Variants in DNAH8 observed in about 807,000 individuals in gnomAD.
DNAH8 encodes the protein axonemal beta dynein heavy chain 8.
DNAH8 carries 382 observed loss-of-function variants against 562.1 expected under a neutral mutation model. The ratio of observed to expected loss-of-function variants is 0.68; its 90% CI spans 0.63 to 0.74. The LOEUF is 0.74. DNAH8 is among the 30% of genes least tolerant of loss of function. The pLI, the probability that DNAH8 is intolerant of heterozygous loss-of-function variation, is 0.00. For synonymous variants in DNAH8, 1,881 were observed against 1,919.4 expected (o/e 0.98, Z 0.52); for missense variants, 5,203 against 5,620.4 (o/e 0.93, Z 2.37).
intron 49 of DNAH8, among the ~76,000 whole-genome samples, chr6:38,870,858 G>A (rs1295793612): frequency 6.6e-6 from 1 of 152,204 alleles, no homozygotes; most frequent in Non-Finnish European, 1.5e-5. Context: ...GAACAACGCA[G>A]ATGTCTTCTT....
rs528052033 is a variant in DNAH8 at position 38,965,554 on chromosome 6, A to G, written c.12452-6038A>G. On this transcript the variant is annotated intron_variant, in intron 82 of 92. Coordinates refer to ENST00000327475, the MANE Select transcript of DNAH8 (RefSeq NM_001206927.2). ...AAAAAAATAAGAAAAAGTGGAAGAG[A>G]CACAAGCCTAATTTTGGAAAGGAAT... is the stretch of plus-strand genomic sequence containing the variant. 7.2e-5 allele frequency among the ~76,000 whole-genome samples: 11 copies of G among 152,364 alleles called. No individual in the cohort carries two copies. The South Asian group carries it at 2.3e-3, about 32-fold the overall frequency.
chr6:38,735,481 A>G (rs565952004), intron 5 of DNAH8, among the ~76,000 whole-genome samples: 1 of 152,292 alleles, frequency 6.6e-6, no homozygotes, highest in African/African-American at 2.4e-5. Context: ...TGTAATTCAT[A>G]GGTAATCTGT....
intron 28 of DNAH8, among the ~76,000 whole-genome samples, chr6:38,825,542 G>A (rs59144458): frequency 0.12 from 18,634 of 152,056 alleles, 1,397 homozygotes; most frequent in Admixed American, 0.21. Context: ...TATGCCTCTC[G>A]TTTCTTCTTC....
In DNAH8 at chr6:38,872,996, C is replaced by T; in HGVS notation, c.7328C>T (p.Thr2443Met). The T allele has an allele frequency of 2.5e-6, 4 of 1,614,130 alleles. No individual in the cohort carries two copies. The highest frequency in any genetic ancestry group is 3.4e-6 in the Non-Finnish European group (4 of 1,180,006). Reference protein sequence around the residue: ...NSVLDDNKTLTLANGDRIPMA... With the variant: ...NSVLDDNKTLMLANGDRIPMA... ...GTTTTGGATGACAATAAAACTCTGACGTTAGCTAATGGAGATCGCATTCCC... is the reference window on the plus strand; with the variant it reads ...GTTTTGGATGACAATAAAACTCTGATGTTAGCTAATGGAGATCGCATTCCC... Residue 2443 changes from threonine to methionine, a missense_variant, in exon 51 of 93, where the codon ACG becomes ATG. Coordinates refer to ENST00000327475, the MANE Select transcript of DNAH8 (RefSeq NM_001206927.2).
chr6:38,766,508 A>G (rs1403188168), intron 11 of DNAH8, among the ~76,000 whole-genome samples: 1 of 152,100 alleles, frequency 6.6e-6, no homozygotes, highest in Non-Finnish European at 1.5e-5. Context: ...GTTTTTTGAG[A>G]CAAGGTCTGG....
intron 74 of DNAH8, among the ~76,000 whole-genome samples, chr6:38,926,456 G>C (rs1003022523): frequency 6.6e-6 from 1 of 151,942 alleles, no homozygotes; most frequent in Non-Finnish European, 1.5e-5. Flanking sequence ...TGCTAATGTC[G>C]AATGTGGCTT....
chr6:38,807,895 C>T (rs1771435851), intron 24 of DNAH8, among the ~76,000 whole-genome samples, 179 bp downstream of exon 24: 2 of 152,128 alleles, frequency 1.3e-5, no homozygotes, highest in South Asian at 4.2e-4. Context: ...CCCATATTCC[C>T]AACACCCTGC....
intron 32 of DNAH8, 88 bp from the exon 33 acceptor site, chr6:38,837,854 C>T: frequency 1.1e-6 from 1 of 941,142 alleles, no homozygotes; most frequent in Non-Finnish European, 1.6e-6. Context: ...TAAACCTCAA[C>T]CTAGCTTTTA....
intron 41 of DNAH8, among the ~76,000 whole-genome samples, chr6:38,854,678 C>A (rs1160034634): frequency 6.6e-6 from 1 of 151,668 alleles, no homozygotes; most frequent in Non-Finnish European, 1.5e-5. Context: ...TTCTCCAGAC[C>A]CTGTATATCC....
chr6:38,779,972 G>T lies in DNAH8; in HGVS notation c.2046G>T (p.Gln682His), dbSNP rs1402194681. ...QQALQLLQRF[Q>H]KLNIPCLGLE... Reference sequence around the variant, plus strand: ...CAGCTTTGATTACTTTTAGGTTTCAGAAGCTGAACATTCCCTGTCTGGGAT... The same window carrying T: ...CAGCTTTGATTACTTTTAGGTTTCATAAGCTGAACATTCCCTGTCTGGGAT... Residue 682 changes from glutamine to histidine, a missense_variant, in exon 15 of 93, where the codon CAG becomes CAT. Transcript: ENST00000327475. 1 of 1,613,812 alleles carries T rather than the reference G, an allele frequency of 6.2e-7. No homozygotes were observed. Among genetic ancestry groups the T allele is most frequent in the South Asian group, 1.1e-5 (1 of 91,062 alleles).
intron 58 of DNAH8, among the ~76,000 whole-genome samples, chr6:38,893,588 G>A (rs1045380625): frequency 6.6e-6 from 1 of 152,140 alleles, no homozygotes; most frequent in Non-Finnish European, 1.5e-5. Flanking sequence ...TTACATTTTA[G>A]TGGGTAGGAT....
At position 38,890,683 on chromosome 6, in the gene DNAH8, T is replaced by C. The variant is rs145125117; in HGVS notation, c.8505T>C (p.Cys2835=). The C allele has an allele frequency of 1.1e-5, 18 of 1,613,512 alleles. No homozygotes were observed. The African/African-American group carries it at 2.3e-4, about 20-fold the overall frequency. ...TTGGATGTGGATACTTTGATCCTTGTAGAAGTTTCAAGCCTCAAATATGTG... is the reference window on the plus strand; with the variant it reads ...TTGGATGTGGATACTTTGATCCTTGCAGAAGTTTCAAGCCTCAAATATGTG... ...GIIGCGYFDP[C]RSFKPQICEM... is the part of the protein sequence containing the mutation. The change falls in exon 58 of 93, where the codon TGT becomes TGC. Residue 2835 remains cysteine (C), a synonymous_variant. Transcript: ENST00000327475.
In DNAH8 at chr6:38,894,777, T is replaced by C; in HGVS notation, c.8660T>C (p.Met2887Thr). The C allele has an allele frequency of 6.2e-7, 1 of 1,614,132 alleles. No homozygotes were observed. Among genetic ancestry groups the C allele is most frequent in the Non-Finnish European group, 8.5e-7 (1 of 1,179,990 alleles). ...LRDLSRIWQG[M>T]LTIKAEECAS... is the part of the protein sequence containing the mutation. Reference sequence around the variant, plus strand: ...GATCTTTCCAGAATTTGGCAAGGAATGTTGACCATAAAAGCTGAGGAGTGC... The same window carrying C: ...GATCTTTCCAGAATTTGGCAAGGAACGTTGACCATAAAAGCTGAGGAGTGC... Residue 2887 changes from methionine to threonine, a missense_variant, in exon 59 of 93, where the codon ATG becomes ACG. By Grantham distance (81) the Met-to-Thr change is moderately conservative. This residue lies in a region of DNAH8 where 977 missense variants were observed against 1,061.8 expected (regional missense o/e 0.92). Coordinates refer to ENST00000327475, the MANE Select transcript of DNAH8 (RefSeq NM_001206927.2).
chr6:38,874,687 C>T (rs1777851975), intron 52 of DNAH8, among the ~76,000 whole-genome samples: 1 of 152,030 alleles, frequency 6.6e-6, no homozygotes, highest in African/African-American at 2.4e-5. Flanking sequence ...TTATTTCCTA[C>T]TCGGTTTTCC....
At position 38,723,489 on chromosome 6, in the gene DNAH8, CATT is replaced by C. The variant is rs767400275; in HGVS notation, c.525+21_525+23del. On this transcript the variant is annotated intron_variant, in intron 3 of 92. Coordinates refer to ENST00000327475, the MANE Select transcript of DNAH8 (RefSeq NM_001206927.2). ...GCCCATCTGTAAGTTTAAGTCTTAT[CATT>C]ATATTTTAATTGCCCTTTGAGTAAG... 3 of 1,590,456 alleles carry C rather than the reference CATT, an allele frequency of 1.9e-6. No homozygotes were observed. The highest frequency in any genetic ancestry group is 2.6e-6 in the Non-Finnish European group (3 of 1,173,792).
rs1783206602 is a variant in DNAH8 at position 38,938,913 on chromosome 6, G to A, written c.11932G>A (p.Val3978Ile). Residue 3978 changes from valine (V) to isoleucine (I), a missense_variant, in exon 79 of 93, where the codon GTA (valine) becomes ATA (isoleucine). Transcript: ENST00000327475. ...ATACGAAAACCACAAATTCCTGTTT[G>A]TACTCCTCATGACCTTAAAGATTGA... ...GLYENHKFLFVLLMTLKIDLQ... is the reference protein window; with the variant it reads ...GLYENHKFLFILLMTLKIDLQ... 1 of 1,613,968 alleles carries A rather than the reference G, an allele frequency of 6.2e-7. No homozygotes were observed. Among genetic ancestry groups the A allele is most frequent in the Admixed American group, 1.7e-5 (1 of 60,010 alleles).
At chr6:38,835,782 G>A (rs1022848265) in intron 32 of DNAH8, among the ~76,000 whole-genome samples, 4 of 152,116 alleles carry the variant, frequency 2.6e-5, no homozygotes, top group Admixed American at 6.6e-5. Context: ...TGGAGGGCCC[G>A]GTAGGCAATA....
intron 8 of DNAH8, among the ~76,000 whole-genome samples, chr6:38,749,228 C>T (rs138941703): frequency 1.3e-3 from 202 of 152,034 alleles, no homozygotes; most frequent in Non-Finnish European, 2.2e-3. Context: ...TACAGGGACA[C>T]GGATGAAGCT....
At chr6:38,780,086 T>A in intron 15 of DNAH8, 21 bp downstream of exon 15, 1 of 1,605,336 alleles carries the variant, frequency 6.2e-7, no homozygotes, top group Non-Finnish European at 8.5e-7. Context: ...TGTTTATAAA[T>A]AAAATGGTAC....
Sources: allele counts gnomAD v4.1 joint callset (sites outside exome capture counted in the v4.1 genomes callset), GRCh38; gene constraint gnomAD v4.1.1; regional missense constraint gnomAD v4.1.1; transcripts MANE v1.5; gene names NCBI Gene and HGNC (gene_info 2026-07-23, HGNC 2026-07-21).